RANBP2: variants seen among roughly 807,000 people sequenced by gnomAD.
RANBP2 encodes the protein RAN binding protein 2, also known as E3 SUMO-protein ligase RanBP2.
Under a neutral mutation model 303.6 loss-of-function variants are expected in RANBP2, and 57 were observed. That is an observed-to-expected ratio of 0.19 (90% CI 0.15 to 0.23). RANBP2 has a LOEUF of 0.23. Ranked by LOEUF, RANBP2 falls within the 10% of genes least tolerant of loss-of-function variation. The probability of loss-of-function intolerance (pLI) is 1.00; values close to 1 mark genes in which losing one functional copy is unlikely to be tolerated. For synonymous variants in RANBP2, 1,167 were observed against 1,301.5 expected, an observed-to-expected ratio of 0.90 and a Z score of 2.23; for missense variants, 3,138 against 3,780.8, an observed-to-expected ratio of 0.83 and a Z score of 4.46.
chr2:109,426,360 A>C, the RANBP2 span, among the ~76,000 whole-genome samples: 1 of 152,244 alleles, frequency 6.6e-6, no homozygotes, highest in Non-Finnish European at 1.5e-5. Flanking sequence ...AAATATCAAC[A>C]TTAACAGGAG....
chr2:109,213,632 C>T, the RANBP2 span, among the ~76,000 whole-genome samples: 1 of 152,100 alleles, frequency 6.6e-6, no homozygotes, highest in Non-Finnish European at 1.5e-5. Flanking sequence ...TGAGCCATGT[C>T]AGGGCAGCAA....
chr2:109,412,480 C>T, the RANBP2 span, among the ~76,000 whole-genome samples: 1 of 152,244 alleles, frequency 6.6e-6, no homozygotes. Flanking sequence ...ACAGCAGGAC[C>T]AGTGCGTGCC....
the RANBP2 span, among the ~76,000 whole-genome samples, chr2:109,427,523 T>C: frequency 6.6e-6 from 1 of 152,076 alleles, no homozygotes; most frequent in Non-Finnish European, 1.5e-5. Context: ...AGCTCCAGGG[T>C]GAGGCCCCAG....
the RANBP2 span, among the ~76,000 whole-genome samples, chr2:109,696,831 A>G: frequency 6.6e-6 from 1 of 152,034 alleles, no homozygotes. Context: ...AGGCTGGAGT[A>G]CAGTGGCATG....
the RANBP2 span, among the ~76,000 whole-genome samples, chr2:109,301,100 C>G: frequency 1.3e-5 from 2 of 152,300 alleles, no homozygotes; most frequent in South Asian, 4.1e-4. Context: ...ATAATCATTG[C>G]TATTTTAATA....
At chr2:109,532,563 G>A in the RANBP2 span, among the ~76,000 whole-genome samples, 5 of 140,464 alleles carry the variant, frequency 3.6e-5, no homozygotes, top group Admixed American at 6.8e-5. Context: ...CCCTGACCCC[G>A]GTGAGGGCTT....
the RANBP2 span, among the ~76,000 whole-genome samples, chr2:108,838,496 C>T: frequency 6.6e-6 from 1 of 152,176 alleles, no homozygotes; most frequent in Admixed American, 6.5e-5. Flanking sequence ...TTGGAGGGAT[C>T]TTCTTAAATC....
At position 108,765,916 on chromosome 2, in the gene RANBP2, C is replaced by G. The variant is rs1302174315; in HGVS notation, c.5377C>G (p.Gln1793Glu). The G allele has an allele frequency of 1.1e-5, 17 of 1,614,132 alleles. No individual in the cohort carries two copies. Among genetic ancestry groups the G allele is most frequent in the Non-Finnish European group, 1.4e-5 (16 of 1,179,982 alleles). The change falls in exon 20 of 29, where the codon CAA (glutamine) becomes GAA (glutamate). Residue 1793 changes from glutamine to glutamate, a missense_variant. Gln to Glu is a conservative substitution (Grantham distance 29, BLOSUM62 2). Coordinates refer to ENST00000283195, the MANE Select transcript of RANBP2 (RefSeq NM_006267.5). ...GQWDCSVCCV[Q>E]NESSSLKCVA... ...GTGGGATTGTAGTGTTTGCTGTGTA[C>G]AAAATGAGAGTTCTTCCTTAAAATG... is the stretch of plus-strand genomic sequence containing the variant.
chr2:109,549,301 T>C, the RANBP2 span, among the ~76,000 whole-genome samples: 2 of 152,136 alleles, frequency 1.3e-5, no homozygotes, highest in African/African-American at 2.4e-5. Flanking sequence ...CAAATGGAGG[T>C]TGCATACCTC....
At chr2:109,509,566 A>G in the RANBP2 span, among the ~76,000 whole-genome samples, 1 of 152,012 alleles carries the variant, frequency 6.6e-6, no homozygotes, top group East Asian at 1.9e-4. Context: ...TTTTAAAATG[A>G]ATTTGTGTAA....
At chr2:109,576,808 A>G in the RANBP2 span, among the ~76,000 whole-genome samples, 20,499 of 152,250 alleles carry the variant, frequency 0.13, 1,865 homozygotes, top group African/African-American at 0.26. Context: ...AAAAATATGA[A>G]TCAGAGCGAT....
the RANBP2 span, among the ~76,000 whole-genome samples, chr2:109,103,656 C>T: frequency 2.0e-5 from 3 of 152,106 alleles, no homozygotes. Flanking sequence ...AGGTGAACTC[C>T]GTTAGAGGCA....
the RANBP2 span, among the ~76,000 whole-genome samples, chr2:109,430,507 C>T: frequency 6.6e-6 from 1 of 151,978 alleles, no homozygotes. Context: ...CCCATCCTCT[C>T]CCCATCTCCT....
At chr2:109,437,228 A>G in the RANBP2 span, 3 of 1,490,070 alleles carry the variant, frequency 2.0e-6, no homozygotes, top group East Asian at 2.4e-5. Flanking sequence ...TCTTGGCCCA[A>G]GGCTCCAGCA....
At chr2:109,530,477 A>C in the RANBP2 span, among the ~76,000 whole-genome samples, 1 of 152,234 alleles carries the variant, frequency 6.6e-6, no homozygotes, top group South Asian at 2.1e-4. Context: ...TCAGAACAAT[A>C]AAATAGTGTA....
the RANBP2 span, among the ~76,000 whole-genome samples, chr2:108,978,726 T>C: frequency 0.21 from 32,060 of 152,116 alleles, 3,579 homozygotes; most frequent in Middle Eastern, 0.29. Context: ...CAGCAGACAA[T>C]GCCCAACCCC....
At chr2:108,859,470 G>T in the RANBP2 span, among the ~76,000 whole-genome samples, 2 of 151,996 alleles carry the variant, frequency 1.3e-5, no homozygotes, top group Non-Finnish European at 2.9e-5. Context: ...TAAATTTTTT[G>T]CCTAGGCCAA....
chr2:109,667,153 A>G, the RANBP2 span: 5 of 1,311,668 alleles, frequency 3.8e-6, no homozygotes, highest in African/African-American at 1.5e-5. Context: ...AGGCATAAGA[A>G]ACATTTTAAT....
the RANBP2 span, among the ~76,000 whole-genome samples, chr2:108,908,611 A>T: frequency 1.3e-5 from 2 of 152,148 alleles, no homozygotes; most frequent in Admixed American, 6.5e-5. Context: ...GGTCGGACCC[A>T]CCAAGCCCAG....
Sources: allele counts gnomAD v4.1 joint callset (sites outside exome capture counted in the v4.1 genomes callset), GRCh38; gene constraint gnomAD v4.1.1; transcripts MANE v1.5; gene names NCBI Gene and HGNC (gene_info 2026-07-23, HGNC 2026-07-21).